Variants in RAPGEF1 observed in about 807,000 individuals in gnomAD.
RAPGEF1 encodes Rap guanine nucleotide exchange factor 1.
Under a neutral mutation model 143.3 loss-of-function variants are expected in RAPGEF1, and 33 were observed. The observed-to-expected ratio is 0.23, with a 90% confidence interval of 0.17 to 0.31. The LOEUF (loss-of-function observed/expected upper bound fraction) is 0.31. RAPGEF1 is among the 10% of genes least tolerant of loss of function. The pLI, the probability that RAPGEF1 is intolerant of heterozygous loss-of-function variation, is 1.00. For missense variants in RAPGEF1, 1,199 were observed against 1,645.4 expected (o/e 0.73, Z 4.69); for synonymous variants, 629 against 676.5 (o/e 0.93, Z 1.09).
At position 131,630,229 on chromosome 9, in the gene RAPGEF1, C is replaced by T. The variant is rs1964479119; in HGVS notation, c.740+7G>A. 1 of 1,613,406 alleles carries T rather than the reference C, an allele frequency of 6.2e-7. No individual in the cohort carries two copies. The highest frequency in any genetic ancestry group is 1.3e-5 in the African/African-American group (1 of 74,900). On this transcript the variant is annotated splice_region_variant and intron_variant, in intron 6 of 26. Transcript: ENST00000683357. ...CACCCGCGACACGAGGGTTAGTCAG[C>T]ACCTACCCATCAGGCTTGCTGGCAG...
chr9:131,638,463 T>C (rs1477057559), intron 5 of RAPGEF1, among the ~76,000 whole-genome samples, 172 bp downstream of exon 5: 1 of 152,232 alleles, frequency 6.6e-6, no homozygotes, highest in African/African-American at 2.4e-5. Flanking sequence ...TAAGAGCCAT[T>C]CGCACCAGTC....
chr9:131,677,294 T>G (rs57054231), intron 1 of RAPGEF1, among the ~76,000 whole-genome samples: 3,706 of 152,292 alleles, frequency 0.024, 155 homozygotes, highest in African/African-American at 0.084. Context: ...TACTGTACTT[T>G]TAAAATTAAA....
intron 19 of RAPGEF1, 79 bp downstream of exon 19, chr9:131,589,807 C>T: frequency 1.5e-6 from 2 of 1,352,356 alleles, no homozygotes; most frequent in Non-Finnish European, 1.1e-6. Context: ...CTGCCCAGAG[C>T]CGATGGGCAG....
chr9:131,707,384 C>T (rs1189077141), intron 1 of RAPGEF1, among the ~76,000 whole-genome samples: 3 of 152,186 alleles, frequency 2.0e-5, no homozygotes, highest in Non-Finnish European at 2.9e-5. Context: ...TCCCATTTTG[C>T]TTATCTTAGG....
chr9:131,587,869 G>A, intron 21 of RAPGEF1, 39 bp from the exon 22 acceptor site: 1 of 1,603,656 alleles, frequency 6.2e-7, no homozygotes, highest in Admixed American at 1.7e-5. Flanking sequence ...TGGAGCCCCG[G>A]CTTTCCCCTG....
chr9:131,732,241 GA>G (rs11336831), intron 1 of RAPGEF1, among the ~76,000 whole-genome samples: 92,544 of 147,168 alleles, frequency 0.63, 28,785 homozygotes, highest in Middle Eastern at 0.74. Context: ...AAGGCCAACT[GA>G]AAAAAAAAAA....
chr9:131,647,713 C>G (rs1223199592), intron 3 of RAPGEF1, among the ~76,000 whole-genome samples: 1 of 152,228 alleles, frequency 6.6e-6, no homozygotes, highest in Non-Finnish European at 1.5e-5. Flanking sequence ...TTGTCCCACG[C>G]AGGTGGCTTG....
At chr9:131,652,020 C>G (rs967229935) in intron 1 of RAPGEF1, among the ~76,000 whole-genome samples, 1 of 152,192 alleles carries the variant, frequency 6.6e-6, no homozygotes, top group Non-Finnish European at 1.5e-5. Context: ...AAAATTCCAC[C>G]TGTGAAAGGC....
chr9:131,609,146 C>T (rs1284466108), intron 12 of RAPGEF1, among the ~76,000 whole-genome samples: 1 of 151,834 alleles, frequency 6.6e-6, no homozygotes, highest in African/African-American at 2.4e-5. Flanking sequence ...CAATGTCAGC[C>T]CTGGTCACAT....
intron 4 of RAPGEF1, among the ~76,000 whole-genome samples, chr9:131,642,636 G>A (rs1014856134): frequency 3.9e-5 from 6 of 152,198 alleles, no homozygotes; most frequent in African/African-American, 1.2e-4. Flanking sequence ...CAAAAGCGGC[G>A]CTGGTCCATA....
At position 131,650,894 on chromosome 9, in the gene RAPGEF1, G is replaced by A; in HGVS notation, c.117C>T (p.His39=). ...SFTMKLMDKF[H]SPKIKRTPSK... Reference sequence around the variant, plus strand: ...ATGGCGTTCTCTTGATTTTGGGTGAGTGGAATTTGTCCATCAGCTTCATGG... The same window carrying A: ...ATGGCGTTCTCTTGATTTTGGGTGAATGGAATTTGTCCATCAGCTTCATGG... The change falls in exon 2 of 27, where the codon CAC becomes CAT. Residue 39 remains histidine (H), a synonymous_variant. Coordinates refer to ENST00000683357, the MANE Select transcript of RAPGEF1 (RefSeq NM_001377935.1). The surrounding 1 kb of genome is among the most constrained non-coding windows in gnomAD (Gnocchi z 4.7). 1 of 1,613,972 alleles carries A rather than the reference G, an allele frequency of 6.2e-7. No individual in the cohort carries two copies. Among genetic ancestry groups the A allele is most frequent in the Non-Finnish European group, 8.5e-7 (1 of 1,179,840 alleles).
At chr9:131,713,469 A>G (rs932492937) in intron 1 of RAPGEF1, among the ~76,000 whole-genome samples, 1 of 152,172 alleles carries the variant, frequency 6.6e-6, no homozygotes, top group Non-Finnish European at 1.5e-5. Context: ...TCATGACCAG[A>G]GGAGGCAGGA....
intron 4 of RAPGEF1, among the ~76,000 whole-genome samples, chr9:131,642,876 A>G (rs1408385528): frequency 6.6e-6 from 1 of 152,194 alleles, no homozygotes; most frequent in Non-Finnish European, 1.5e-5. Context: ...CACCTGACAG[A>G]TAATGAAACT....
intron 1 of RAPGEF1, among the ~76,000 whole-genome samples, chr9:131,652,528 AT>A (rs200860816): frequency 5.0e-4 from 76 of 151,014 alleles, no homozygotes; most frequent in South Asian, 3.1e-3. Flanking sequence ...AAAAATTATT[AT>A]TTTTTTTTCA....
chr9:131,655,876 C>T lies in RAPGEF1; in HGVS notation c.62-4927G>A, dbSNP rs1296597148. Among the ~76,000 whole-genome samples, 2 of 151,884 alleles carry T rather than the reference C, an allele frequency of 1.3e-5. No individual in the cohort carries two copies. The highest frequency in any genetic ancestry group is 1.9e-4 in the East Asian group (1 of 5,170). On this transcript the variant is annotated intron_variant, in intron 1 of 26. Coordinates refer to ENST00000683357, the MANE Select transcript of RAPGEF1 (RefSeq NM_001377935.1). The surrounding 1 kb of genome is among the most constrained non-coding windows in gnomAD (Gnocchi z 4.1). The stretch of plus-strand genomic sequence containing the variant: ...TGCTGAGATTACAGGTGTGAGCCAC[C>T]GCGCCCGGCCAAAAAATTTTCTAAA...
intron 4 of RAPGEF1, 101 bp downstream of exon 4, chr9:131,643,138 C>T: frequency 1.5e-6 from 2 of 1,358,874 alleles, no homozygotes; most frequent in Non-Finnish European, 2.0e-6. Context: ...AGTCCTTTTC[C>T]TGACTGTTCC....
intron 11 of RAPGEF1, among the ~76,000 whole-genome samples, chr9:131,620,716 T>C (rs1376675652): frequency 6.6e-6 from 1 of 152,172 alleles, no homozygotes; most frequent in Admixed American, 6.5e-5. Context: ...CTTGCTTGGT[T>C]AGCCACAGCC....
At chr9:131,619,562 G>A (rs529018373) in intron 11 of RAPGEF1, among the ~76,000 whole-genome samples, 1 of 152,308 alleles carries the variant, frequency 6.6e-6, no homozygotes, top group Admixed American at 6.5e-5. Context: ...CACGTCTTCA[G>A]AACTCAGACG....
chr9:131,681,310 C>T (rs535252735), intron 1 of RAPGEF1, among the ~76,000 whole-genome samples: 45 of 152,144 alleles, frequency 3.0e-4, no homozygotes, highest in Middle Eastern at 3.4e-3. Context: ...GCACCTCGAG[C>T]GACCACTCTT....
Sources: allele counts gnomAD v4.1 joint callset (sites outside exome capture counted in the v4.1 genomes callset), GRCh38; gene constraint gnomAD v4.1.1; non-coding constraint Gnocchi (gnomAD v3.1); transcripts MANE v1.5; gene names NCBI Gene and HGNC (gene_info 2026-07-23, HGNC 2026-07-21).